Variants in PDE1C observed in about 807,000 individuals in gnomAD.
PDE1C encodes the protein phosphodiesterase 1C.
In PDE1C, 62 loss-of-function variants were observed where a neutral mutation model predicts 93.1. That is an observed-to-expected ratio of 0.67 (90% confidence interval 0.54 to 0.82). The LOEUF is 0.82. PDE1C is among the 40% of genes least tolerant of loss of function. The pLI, the probability that PDE1C is intolerant of heterozygous loss-of-function variation, is 0.00. For missense variants in PDE1C, 742 were observed against 884.6 expected (o/e 0.84, Z 2.04); for synonymous variants, 325 against 310.1 (o/e 1.05, Z -0.50).
intron 2 of PDE1C, among the ~76,000 whole-genome samples, chr7:31,916,130 T>C (rs1375336262): frequency 1.3e-5 from 2 of 152,082 alleles, no homozygotes; most frequent in African/African-American, 4.8e-5. Context: ...CTTCCTATGT[T>C]TGCCATTTTC....
chr7:32,109,443 A>T (rs1437978802), intron 3 of PDE1C, among the ~76,000 whole-genome samples: 1 of 152,182 alleles, frequency 6.6e-6, no homozygotes, highest in Non-Finnish European at 1.5e-5. Context: ...CTGAATCAGG[A>T]TTTCTCAGCC....
chr7:31,737,374 A>T, the PDE1C span, among the ~76,000 whole-genome samples: 1 of 152,150 alleles, frequency 6.6e-6, no homozygotes, highest in Non-Finnish European at 1.5e-5. Context: ...CTTCATATAC[A>T]ATAAAACTGT....
intron 2 of PDE1C, among the ~76,000 whole-genome samples, chr7:31,994,997 T>G (rs540659803): frequency 6.6e-6 from 1 of 152,248 alleles, no homozygotes; most frequent in East Asian, 1.9e-4. Flanking sequence ...AAAAAACCCA[T>G]GTGGTCAGGA....
At chr7:31,813,833 A>C (rs1050790628) in intron 15 of PDE1C, among the ~76,000 whole-genome samples, 1 of 151,680 alleles carries the variant, frequency 6.6e-6, no homozygotes, top group Non-Finnish European at 1.5e-5. Context: ...CTGAGTCCCC[A>C]AAGTCCACTG....
At chr7:31,936,487 A>G (rs1336757696) in intron 2 of PDE1C, among the ~76,000 whole-genome samples, 1 of 152,070 alleles carries the variant, frequency 6.6e-6, no homozygotes, top group Non-Finnish European at 1.5e-5. Context: ...CCAAACTTAC[A>G]GGCATCAGAC....
At chr7:32,209,537 C>T in exon 2 of PDE1C, 1 of 1,549,984 alleles carries the variant, frequency 6.5e-7, no homozygotes, top group Non-Finnish European at 8.7e-7. Context: ...GCTTCATTTG[C>T]AACTAGAAAA....
intron 9 of PDE1C, among the ~76,000 whole-genome samples, chr7:31,839,848 C>T (rs992141149): frequency 6.6e-6 from 1 of 152,138 alleles, no homozygotes; most frequent in Non-Finnish European, 1.5e-5. Context: ...ACTAGCCTGA[C>T]CAATATGGTG....
chr7:32,332,561 ATT>A (rs1291606831), intron 1 of PDE1C, among the ~76,000 whole-genome samples: 6 of 152,144 alleles, frequency 3.9e-5, no homozygotes, highest in Non-Finnish European at 8.8e-5. Context: ...ATATGTACAC[ATT>A]TGTGCCAGAA....
At chr7:31,878,880 A>G (rs1179934229) in intron 4 of PDE1C, 116 bp downstream of exon 4, 11 of 1,022,516 alleles carry the variant, frequency 1.1e-5, no homozygotes, top group Admixed American at 2.2e-5. Context: ...GTTTCTACCC[A>G]CAATTTTCAG....
the PDE1C span, among the ~76,000 whole-genome samples, chr7:31,671,841 C>T: frequency 0.021 from 3,153 of 152,254 alleles, 41 homozygotes; most frequent in Middle Eastern, 0.058. Flanking sequence ...AATAGAACAC[C>T]GGAACCAGGG....
chr7:32,377,907 G>T (rs947225117), intron 1 of PDE1C, among the ~76,000 whole-genome samples: 19 of 152,154 alleles, frequency 1.2e-4, no homozygotes, highest in African/African-American at 3.9e-4. Context: ...TTGTGTCAAT[G>T]GCCCATGGAC....
intron 1 of PDE1C, among the ~76,000 whole-genome samples, chr7:32,271,437 G>A (rs1231647629): frequency 6.6e-6 from 1 of 152,210 alleles, no homozygotes. Context: ...TTAAAGAGAA[G>A]TGTAGGGGAG....
intron 1 of PDE1C, among the ~76,000 whole-genome samples, chr7:32,380,445 A>G (rs2128090077): frequency 7.3e-6 from 1 of 137,770 alleles, no homozygotes; most frequent in East Asian, 2.2e-4. Flanking sequence ...ACAGGGTTCC[A>G]CATCGTTAGC....
At chr7:31,878,929 T>G in intron 4 of PDE1C, 67 bp downstream of exon 4, 1 of 1,460,794 alleles carries the variant, frequency 6.8e-7, no homozygotes, top group Non-Finnish European at 9.5e-7. Flanking sequence ...AAGCAAAGCT[T>G]CCAGTTATTG....
chr7:31,843,586 G>A (rs1792184440), intron 9 of PDE1C, among the ~76,000 whole-genome samples: 1 of 151,696 alleles, frequency 6.6e-6, no homozygotes, highest in South Asian at 2.1e-4. Context: ...TATTTAAAGT[G>A]TATCTCTTGT....
chr7:32,309,271 G>C (rs1317523387), intron 1 of PDE1C, among the ~76,000 whole-genome samples: 5 of 152,232 alleles, frequency 3.3e-5, no homozygotes. Flanking sequence ...ACCTACGTCT[G>C]ATTGGTGTAC....
chr7:32,141,920 C>T (rs914081770), intron 3 of PDE1C, among the ~76,000 whole-genome samples: 2 of 152,028 alleles, frequency 1.3e-5, no homozygotes, highest in African/African-American at 4.8e-5. Flanking sequence ...TAAAATTATT[C>T]CCAAATAAAA....
chr7:31,699,669 G>A, the PDE1C span, among the ~76,000 whole-genome samples: 1 of 150,338 alleles, frequency 6.7e-6, no homozygotes, highest in African/African-American at 2.4e-5. Flanking sequence ...TTGGATGTTT[G>A]TGGTAACCCT....
chr7:32,112,802 ATATGTGTGTGTGTGTGTGTGTG>A (rs1433173408), intron 3 of PDE1C, among the ~76,000 whole-genome samples: 1 of 98,630 alleles, frequency 1.0e-5, no homozygotes, highest in Non-Finnish European at 2.2e-5. Context: ...ATATATACAT[ATATGTGTGTGTGTGTGTGTGTG>A]TGTGTGTGTG....
Sources: allele counts gnomAD v4.1 joint callset (sites outside exome capture counted in the v4.1 genomes callset), GRCh38; gene constraint gnomAD v4.1.1; transcripts MANE v1.5; gene names NCBI Gene and HGNC (gene_info 2026-07-23, HGNC 2026-07-21).